The following MROH1 variants were observed in gnomAD, a reference collection of about 807,000 sequenced individuals.
MROH1 encodes the protein maestro heat like repeat family member 1, also known as maestro heat-like repeat-containing protein family member 1.
A neutral mutation model predicts 116.5 loss-of-function variants in MROH1; 117 were observed. The ratio of observed to expected loss-of-function variants is 1.00; its 90% CI spans 0.86 to 1.17. The LOEUF (loss-of-function observed/expected upper bound fraction) is 1.17, where lower values mean the gene tolerates loss of function less well. MROH1 is among the 50% of genes most tolerant of loss of function. The probability of loss-of-function intolerance (pLI) is 0.00; values close to 1 mark genes in which losing one functional copy is unlikely to be tolerated. For missense variants in MROH1, 1,873 were observed against 1,338.5 expected (o/e 1.40, Z -6.23); for synonymous variants, 921 against 583.9 (o/e 1.58, Z -8.32).
Position 144,163,480 on chromosome 8 carries a change from G to C in MROH1, c.-56-291G>C, listed in dbSNP as rs1820053314. Among the ~76,000 whole-genome samples the C allele has an allele frequency of 6.6e-6, 1 of 152,272 alleles. No individual in the cohort carries two copies. Among genetic ancestry groups the C allele is most frequent in the African/African-American group, 2.4e-5 (1 of 41,560 alleles). The stretch of plus-strand genomic sequence containing the variant: ...AGGTGGAGGTGCATCCACTCCTGCT[G>C]GGGCTGATGGTGACGAGGTGACACT... On this transcript the variant is annotated intron_variant, in intron 2 of 43. Coordinates refer to ENST00000326134, the MANE Select transcript of MROH1 (RefSeq NM_032450.3). This position sits in a 1 kb window ranked among gnomAD's most constrained non-coding sequence, Gnocchi z 4.4.
intron 1 of MROH1, among the ~76,000 whole-genome samples, chr8:144,160,302 T>G (rs1387598806): frequency 1.3e-5 from 2 of 152,186 alleles, no homozygotes; most frequent in Admixed American, 1.3e-4. Flanking sequence ...CTCTGCCTGG[T>G]GCCCCATGAG....
intron 33 of MROH1, chr8:144,252,385 A>G (rs1259092292): frequency 2.6e-5 from 4 of 151,614 alleles, no homozygotes; most frequent in African/African-American, 9.7e-5. Context: ...TTGGCCAGGC[A>G]TGGCCAGGCG....
chr8:144,182,135 G>A lies in MROH1; in HGVS notation c.562+1612G>A, dbSNP rs1311100428. On this transcript the variant is annotated intron_variant, in intron 7 of 43. Coordinates refer to ENST00000326134, the MANE Select transcript of MROH1 (RefSeq NM_032450.3). The surrounding 1 kb of genome is among the most constrained non-coding windows in gnomAD (Gnocchi z 4.1). ...TGGCTGGAGCAGCCTGGGGCCAGAG[G>A]AAGCCGTATCAACCGGGTGAGGCCT... Among the ~76,000 whole-genome samples, 1 of 150,310 alleles carries A rather than the reference G, an allele frequency of 6.7e-6. No homozygotes were observed. The highest frequency in any genetic ancestry group is 2.5e-5 in the African/African-American group (1 of 39,572).
At chr8:144,184,177 T>C (rs1453277317) in intron 7 of MROH1, among the ~76,000 whole-genome samples, 1 of 152,230 alleles carries the variant, frequency 6.6e-6, no homozygotes, top group Non-Finnish European at 1.5e-5. Flanking sequence ...TGGGAAGCCC[T>C]TAAGCTGAGA....
At chr8:144,234,498 G>GTTTTTGTTTTTTTTTTTTTTTTTTTTTT (rs1839621583) in intron 14 of MROH1, among the ~76,000 whole-genome samples, 30 of 18,102 alleles carry the variant, frequency 1.7e-3, no homozygotes, top group Non-Finnish European at 3.3e-3. Flanking sequence ...TTTCTTTTTC[G>GTTTTTGTTTTTTTTTTTTTTTTTTTTTT]TTTTTTTTTT....
intron 2 of MROH1, among the ~76,000 whole-genome samples, chr8:144,162,777 C>T (rs1819877820): frequency 6.7e-6 from 1 of 150,070 alleles, no homozygotes; most frequent in Non-Finnish European, 1.5e-5. Flanking sequence ...GGCTGCAGTG[C>T]AGTGGTGTGT....
intron 35 of MROH1, among the ~76,000 whole-genome samples, chr8:144,256,033 G>C (rs907451849): frequency 6.6e-6 from 1 of 152,240 alleles, no homozygotes; most frequent in African/African-American, 2.4e-5. Context: ...GAGTGGAGTT[G>C]TGTGGAGTCT....
At chr8:144,199,062 G>C in intron 10 of MROH1, 60 bp from the exon 11 acceptor site, 1 of 1,524,712 alleles carries the variant, frequency 6.6e-7, no homozygotes, top group Non-Finnish European at 9.0e-7. Flanking sequence ...ATTGTCAGAG[G>C]GCGGGAATCC....
At position 144,230,036 on chromosome 8, in the gene MROH1, A is replaced by AAATAAT. The variant is rs35362416; in HGVS notation, c.1338+6825_1338+6830dup. ...GCGACAGAGCTACACTCTGTCTCAAAAATAATAATAATAATAATAATAATG... is the reference window on the plus strand; with the variant it reads ...GCGACAGAGCTACACTCTGTCTCAAAAATAATAATAATAATAATAATAATAATAATG... On this transcript the variant is annotated intron_variant, in intron 14 of 43. Coordinates refer to ENST00000326134, the MANE Select transcript of MROH1 (RefSeq NM_032450.3). Among the ~76,000 whole-genome samples, 590 of 150,176 alleles carry AAATAAT rather than the reference A, an allele frequency of 3.9e-3. 3 individuals carry two copies. The highest frequency in any genetic ancestry group is 0.017 in the Middle Eastern group (5 of 294).
chr8:144,243,700 G>A, intron 25 of MROH1, 84 bp downstream of exon 25: 4 of 770,590 alleles, frequency 5.2e-6, no homozygotes, highest in South Asian at 2.7e-5. Flanking sequence ...CACTGAGGGT[G>A]ATAATGTGAA....
intron 10 of MROH1, among the ~76,000 whole-genome samples, chr8:144,197,602 A>AT (rs1330381674): frequency 1.3e-5 from 2 of 148,448 alleles, no homozygotes; most frequent in East Asian, 4.0e-4. Flanking sequence ...CGCCTGGCTA[A>AT]TTTTTTGTAT....
rs569228524 is a variant in MROH1, at chr8:144,210,725, C to A, written c.1142-9875C>A. Among the ~76,000 whole-genome samples, 10 of 151,922 alleles carry A rather than the reference C, an allele frequency of 6.6e-5. No individual in the cohort carries two copies. The East Asian group carries it at 1.9e-3, about 29-fold the overall frequency. ...CTATCTCTCTATATATATATACATT[C>A]AAATTTATATAGAGATAATAATGTA... is the stretch of plus-strand genomic sequence containing the variant. On this transcript the variant is annotated intron_variant, in intron 12 of 43. Coordinates refer to ENST00000326134, the MANE Select transcript of MROH1 (RefSeq NM_032450.3).
chr8:144,163,292 C>T lies in MROH1; in HGVS notation c.-56-479C>T, dbSNP rs1040524893. Among the ~76,000 whole-genome samples the T allele has an allele frequency of 6.6e-6, 1 of 152,188 alleles. No individual in the cohort carries two copies. Among genetic ancestry groups the T allele is most frequent in the African/African-American group, 2.4e-5 (1 of 41,432 alleles). On this transcript the variant is annotated intron_variant, in intron 2 of 43. Coordinates refer to ENST00000326134, the MANE Select transcript of MROH1 (RefSeq NM_032450.3). This position sits in a 1 kb window ranked among gnomAD's most constrained non-coding sequence, Gnocchi z 4.4. Reference sequence around the variant, plus strand: ...ACGTAGGTCCTCAGAAAGCGTGACACAAGACTTGAATGTGTGTCCGTGGTG... The same window carrying T: ...ACGTAGGTCCTCAGAAAGCGTGACATAAGACTTGAATGTGTGTCCGTGGTG...
intron 12 of MROH1, among the ~76,000 whole-genome samples, chr8:144,207,236 G>T (rs529948851): frequency 1.3e-5 from 2 of 151,278 alleles, no homozygotes; most frequent in Admixed American, 1.3e-4. Flanking sequence ...TCACCAAGCC[G>T]GAGTGCAGTG....
intron 12 of MROH1, among the ~76,000 whole-genome samples, chr8:144,202,240 G>T: frequency 6.6e-6 from 1 of 152,052 alleles, no homozygotes; most frequent in Non-Finnish European, 1.5e-5. Flanking sequence ...GGCTGGCGGG[G>T]GGAGAGCCTG....
At position 144,173,483 on chromosome 8, in the gene MROH1, A is replaced by G. The variant is rs1045169064; in HGVS notation, c.168+5043A>G. ...CTTGCCCAGGCTGGGCTGGAGTACA[A>G]TGGCGCAAACCGGCTCGCTGCAACC... On this transcript the variant is annotated intron_variant, in intron 4 of 43. Transcript: ENST00000326134. Among the ~76,000 whole-genome samples, 6 of 150,706 alleles carry G rather than the reference A, an allele frequency of 4.0e-5. No homozygotes were observed. The East Asian group carries it at 7.9e-4, about 20-fold the overall frequency.
At chr8:144,160,493 C>G (rs1295602526) in intron 1 of MROH1, among the ~76,000 whole-genome samples, 1 of 152,264 alleles carries the variant, frequency 6.6e-6, no homozygotes, top group Non-Finnish European at 1.5e-5. Flanking sequence ...AATGCATTAT[C>G]ACAAACTTAG....
At position 144,234,144 on chromosome 8, in the gene MROH1, G is replaced by C. The variant is rs529105377; in HGVS notation, c.1339-4612G>C. Among the ~76,000 whole-genome samples, 62 of 152,200 alleles carry C rather than the reference G, an allele frequency of 4.1e-4. No individual in the cohort carries two copies. The South Asian group carries it at 0.013, about 32-fold the overall frequency. On this transcript the variant is annotated intron_variant, in intron 14 of 43. Transcript: ENST00000326134. ...CCTGCCTCAGCCTCCCGAGCAGCTG[G>C]GACTACAGGCGCCTGCAACCACGCC...
intron 33 of MROH1, among the ~76,000 whole-genome samples, chr8:144,253,922 T>C (rs2133234111): frequency 6.6e-6 from 1 of 151,960 alleles, no homozygotes; most frequent in East Asian, 1.9e-4. Context: ...GTTGCTCATC[T>C]GTAGTTTGCA....
Sources: allele counts gnomAD v4.1 joint callset (sites outside exome capture counted in the v4.1 genomes callset), GRCh38; gene constraint gnomAD v4.1.1; non-coding constraint Gnocchi (gnomAD v3.1); transcripts MANE v1.5; gene names NCBI Gene and HGNC (gene_info 2026-07-23, HGNC 2026-07-21).